Variants in SOX6 observed in about 807,000 individuals in gnomAD.
The protein encoded by SOX6 is SRY-box transcription factor 6.
SOX6 carries 11 observed loss-of-function variants against 97.8 expected under a neutral mutation model. The observed-to-expected ratio is 0.11, with a 90% CI of 0.07 to 0.19. The LOEUF is 0.19. Ranked by LOEUF, SOX6 falls within the 10% of genes least tolerant of loss-of-function variation. The pLI, the probability that SOX6 is intolerant of heterozygous loss-of-function variation, is 1.00. For missense variants in SOX6, 810 were observed against 1,039.5 expected, an observed-to-expected ratio of 0.78 and a Z score of 3.04; for synonymous variants, 360 against 371.4, an observed-to-expected ratio of 0.97 and a Z score of 0.35.
At chr11:16,312,348 A>C in intron 3 of SOX6, 1 of 152,212 alleles carries the variant, frequency 6.6e-6, no homozygotes, top group East Asian at 1.9e-4. Context: ...CAGACAGTTG[A>C]GAGTTTTATC....
chr11:16,581,523 G>T (rs564422142), intron 4 of SOX6, among the ~76,000 whole-genome samples: 3 of 152,284 alleles, frequency 2.0e-5, no homozygotes, highest in Admixed American at 2.0e-4. Context: ...ATGACAGGTT[G>T]AGAGGTGCAG....
chr11:16,440,950 T>C (rs910917503), intron 1 of SOX6, among the ~76,000 whole-genome samples: 2 of 152,160 alleles, frequency 1.3e-5, no homozygotes, highest in African/African-American at 2.4e-5. Flanking sequence ...GACTTTTTCA[T>C]ACTGCCTGTC....
At chr11:16,078,660 A>G (rs1219157547) in intron 9 of SOX6, among the ~76,000 whole-genome samples, 1 of 152,084 alleles carries the variant, frequency 6.6e-6, no homozygotes, top group East Asian at 1.9e-4. Flanking sequence ...AAGCATATAG[A>G]TATGTAAATC....
chr11:16,554,573 G>A (rs537239835), intron 4 of SOX6, among the ~76,000 whole-genome samples: 17 of 152,094 alleles, frequency 1.1e-4, no homozygotes, highest in African/African-American at 2.6e-4. Context: ...ATAGTGTTTC[G>A]TCCAAGTCTC....
chr11:16,734,026 CAAAA>C (rs912566097), intron 2 of SOX6, among the ~76,000 whole-genome samples: 4 of 64,914 alleles, frequency 6.2e-5, no homozygotes, highest in African/African-American at 2.1e-4. Flanking sequence ...GACTTTGTCT[CAAAA>C]AAAAAAAAAA....
intron 3 of SOX6, among the ~76,000 whole-genome samples, chr11:16,302,548 ATTT>A (rs367963089): frequency 8.3e-6 from 1 of 120,662 alleles, no homozygotes; most frequent in African/African-American, 3.1e-5. Flanking sequence ...CTTCTACAGC[ATTT>A]TTTTTTCTTT....
chr11:16,247,109 C>T (rs189778014), intron 3 of SOX6, among the ~76,000 whole-genome samples: 27 of 152,162 alleles, frequency 1.8e-4, no homozygotes, highest in African/African-American at 6.0e-4. Context: ...TATCTATGTC[C>T]GTGAGTTCAT....
At chr11:16,311,499 G>T (rs998347343) in intron 3 of SOX6, 1 of 152,106 alleles carries the variant, frequency 6.6e-6, no homozygotes, top group East Asian at 1.9e-4. Context: ...CTTTGAGCTG[G>T]CAATGTTCTA....
At chr11:16,636,041 C>A (rs1848782279) in intron 3 of SOX6, among the ~76,000 whole-genome samples, 1 of 152,220 alleles carries the variant, frequency 6.6e-6, no homozygotes, top group East Asian at 1.9e-4. Context: ...AGAGCCCCCA[C>A]ACAGAGTCCC....
At chr11:16,179,832 A>G (rs767637013) in intron 6 of SOX6, among the ~76,000 whole-genome samples, 1 of 151,908 alleles carries the variant, frequency 6.6e-6, no homozygotes, top group Non-Finnish European at 1.5e-5. Context: ...GACACTGCCT[A>G]TATAGCTCAC....
chr11:16,336,679 T>C (rs1417765967), intron 2 of SOX6, among the ~76,000 whole-genome samples: 1 of 152,140 alleles, frequency 6.6e-6, no homozygotes, highest in Non-Finnish European at 1.5e-5. Context: ...TGGCTTCTAC[T>C]TACACTTGAA....
At chr11:15,977,529 C>T (rs1193449594) in intron 15 of SOX6, among the ~76,000 whole-genome samples, 1 of 151,848 alleles carries the variant, frequency 6.6e-6, no homozygotes, top group Non-Finnish European at 1.5e-5. Flanking sequence ...CCTGCTTGTG[C>T]CCCCACTTAC....
intron 3 of SOX6, among the ~76,000 whole-genome samples, chr11:16,253,344 C>T (rs1231920411): frequency 1.6e-5 from 2 of 123,540 alleles, no homozygotes; most frequent in Admixed American, 7.9e-5. Flanking sequence ...AGCAAAATTC[C>T]GTGTCAAAAA....
intron 4 of SOX6, among the ~76,000 whole-genome samples, chr11:16,516,654 A>C (rs1187916459): frequency 1.3e-5 from 2 of 150,900 alleles, no homozygotes; most frequent in African/African-American, 2.4e-5. Flanking sequence ...TGAATAGACC[A>C]ATAACAGGAT....
chr11:16,685,235 C>T (rs926340827), intron 3 of SOX6, among the ~76,000 whole-genome samples: 9 of 152,192 alleles, frequency 5.9e-5, no homozygotes, highest in Non-Finnish European at 8.8e-5. Context: ...AAAATACAAT[C>T]ATGGCTTCCC....
intron 3 of SOX6, among the ~76,000 whole-genome samples, chr11:16,689,364 A>G (rs1847994883): frequency 6.6e-6 from 1 of 152,258 alleles, no homozygotes; most frequent in African/African-American, 2.4e-5. Flanking sequence ...TGTGCCATAC[A>G]TAGCCTGAAA....
chr11:16,340,586 G>T (rs892572125), intron 2 of SOX6, among the ~76,000 whole-genome samples: 20 of 151,998 alleles, frequency 1.3e-4, no homozygotes, highest in African/African-American at 4.6e-4. Context: ...ATAAATACCT[G>T]CATTTTCTCA....
At chr11:16,142,401 G>C (rs1413585450) in intron 6 of SOX6, among the ~76,000 whole-genome samples, 1 of 152,068 alleles carries the variant, frequency 6.6e-6, no homozygotes, top group Non-Finnish European at 1.5e-5. Context: ...AAAGATGGGG[G>C]AAAAACAGAG....
chr11:16,204,965 A>G (rs891899413), intron 4 of SOX6, among the ~76,000 whole-genome samples: 1 of 152,070 alleles, frequency 6.6e-6, no homozygotes, highest in Non-Finnish European at 1.5e-5. Flanking sequence ...TTAAAAAAAA[A>G]TCAAGGGAAA....
Sources: gnomAD v4.1 joint callset for allele counts (sites outside exome capture counted in the v4.1 genomes callset) on GRCh38, gnomAD v4.1.1 for gene constraint, MANE v1.5 for transcripts, NCBI Gene and HGNC (gene_info 2026-07-23, HGNC 2026-07-21) for gene names.